The following FAM98B variants were observed in gnomAD, a reference collection of about 807,000 sequenced individuals.
FAM98B encodes tRNA-splicing ligase complex subunit FAM98B.
In FAM98B, 32 loss-of-function variants were observed where a neutral mutation model predicts 43.9. That is an observed-to-expected ratio of 0.73 (90% CI 0.55 to 0.98). FAM98B has a LOEUF of 0.98. Ranked by LOEUF, FAM98B falls within the 50% of genes least tolerant of loss-of-function variation. FAM98B has a pLI of 0.00. For missense variants in FAM98B, 514 were observed against 522.9 expected (o/e 0.98, Z 0.17); for synonymous variants, 190 against 174.0 (o/e 1.09, Z -0.72).
Position 38,484,833 on chromosome 15 carries a change from C to T in FAM98B, c.*174C>T. The T allele has an allele frequency of 9.9e-7, 1 of 1,008,890 alleles. No homozygotes were observed. The highest frequency in any genetic ancestry group is 1.3e-6 in the Non-Finnish European group (1 of 752,272). The allele number at this position is 1,008,890 out of a possible 1,614,324, so 62.5% of individuals were successfully genotyped here. On this transcript the variant is annotated 3_prime_UTR_variant, in exon 8 of 8. Transcript: ENST00000397609. ...ACATTGTTTTTTATTACCAGTTGATCTCTCAAATGAAGTGATGACTTTTTC... is the reference window on the plus strand; with the variant it reads ...ACATTGTTTTTTATTACCAGTTGATTTCTCAAATGAAGTGATGACTTTTTC...
At chr15:38,456,656 A>G (rs1889853394) in intron 1 of FAM98B, among the ~76,000 whole-genome samples, 1 of 152,224 alleles carries the variant, frequency 6.6e-6, no homozygotes, top group African/African-American at 2.4e-5. Context: ...AAGAAGTCTT[A>G]GGGGTTAGTG....
intron 1 of FAM98B, 73 bp downstream of exon 1, chr15:38,454,305 C>A: frequency 6.7e-7 from 1 of 1,497,228 alleles, no homozygotes; most frequent in South Asian, 1.2e-5. Context: ...GCCTACTTCC[C>A]TTGGGCCTCT....
rs1466537809 is a variant in FAM98B, at chr15:38,464,178, G to A, written c.217+1G>A. The stretch of plus-strand genomic sequence containing the variant: ...TTGGAAGAAAGTATCACGTCTGCTG[G>A]TATTGCCATTATGTTGTATTTACTT... On this transcript the variant is annotated splice_donor_variant, in intron 2 of 7. Coordinates refer to ENST00000397609, the MANE Select transcript of FAM98B (RefSeq NM_173611.4). LOFTEE classifies it high-confidence loss of function. The A allele has an allele frequency of 6.2e-7, 1 of 1,608,732 alleles. No individual in the cohort carries two copies. The highest frequency in any genetic ancestry group is 8.5e-7 in the Non-Finnish European group (1 of 1,177,374).
intron 1 of FAM98B, among the ~76,000 whole-genome samples, chr15:38,454,830 C>T (rs969264330): frequency 6.6e-6 from 1 of 152,160 alleles, no homozygotes; most frequent in South Asian, 2.1e-4. Flanking sequence ...GATAGTTTTT[C>T]AGATTACTCT....
chr15:38,459,211 A>C, intron 1 of FAM98B: 1 of 444,062 alleles, frequency 2.3e-6, no homozygotes, highest in Non-Finnish European at 4.4e-6. Context: ...TTAAAGATGC[A>C]CAAGGGCTTC....
At chr15:38,466,457 G>A (rs947025100) in intron 3 of FAM98B, among the ~76,000 whole-genome samples, 3 of 152,080 alleles carry the variant, frequency 2.0e-5, no homozygotes, top group African/African-American at 7.2e-5. Flanking sequence ...CTTAATATCA[G>A]TCAATGAGAA....
intron 3 of FAM98B, among the ~76,000 whole-genome samples, chr15:38,466,364 G>A (rs759709215): frequency 4.6e-5 from 7 of 152,094 alleles, no homozygotes; most frequent in Admixed American, 1.3e-4. Context: ...ATGAACCACT[G>A]TTATTGGGAG....
Position 38,454,198 on chromosome 15 carries a change from G to A in FAM98B, c.37G>A (p.Glu13Lys), listed in dbSNP as rs780564732. The A allele has an allele frequency of 6.2e-7, 1 of 1,604,456 alleles. No individual in the cohort carries two copies. The highest frequency in any genetic ancestry group is 1.1e-5 in the South Asian group (1 of 88,270). Residue 13 changes from glutamate to lysine, a missense_variant, in exon 1 of 8, where the codon GAG (glutamate) becomes AAG (lysine). Transcript: ENST00000397609. ...GPEPGPQPTM[E>K]GDVLDTLEAL... ...GGAGCCGGGTCCCCAACCGACGATG[G>A]AGGGAGACGTGCTGGACACACTGGA...
chr15:38,464,841 A>G (rs147157854), intron 2 of FAM98B, among the ~76,000 whole-genome samples: 1,568 of 152,218 alleles, frequency 0.01, 32 homozygotes, highest in African/African-American at 0.036. Flanking sequence ...GGCTCAAGCA[A>G]CCCTCTCACC....
At chr15:38,459,229 T>C in intron 1 of FAM98B, 1 of 468,500 alleles carries the variant, frequency 2.1e-6, no homozygotes, top group South Asian at 1.7e-5. Flanking sequence ...TTCATCCAGG[T>C]CAGTGACCAC....
At chr15:38,482,364 A>G (rs1890298456) in intron 7 of FAM98B, 1 of 152,238 alleles carries the variant, frequency 6.6e-6, no homozygotes, top group African/African-American at 2.4e-5. Flanking sequence ...CTGGATCAAG[A>G]GTTCTATTTC....
Position 38,470,310 on chromosome 15 carries a change from G to A in FAM98B, c.436G>A (p.Val146Ile), listed in dbSNP as rs1483217297. Residue 146 changes from valine (V) to isoleucine (I), a missense_variant, in exon 4 of 8, where the codon GTT (valine) becomes ATT (isoleucine). Around this residue, in one of 2 missense-constraint regions of FAM98B, gnomAD observed 469 missense variants for 451.8 expected, o/e 1.04. Transcript: ENST00000397609. ...KNSQLDKNSE[V>I]YQEVQAMFDT... ...TTCTCAATTAGATAAAAATAGTGAA[G>A]TTTATCAGGAAGTTCAAGCTATGTT... 4 of 1,603,748 alleles carry A rather than the reference G, an allele frequency of 2.5e-6. No homozygotes were observed. The highest frequency in any genetic ancestry group is 1.1e-5 in the South Asian group (1 of 88,932).
chr15:38,468,104 C>A (rs1004363917), intron 3 of FAM98B, among the ~76,000 whole-genome samples: 1 of 152,126 alleles, frequency 6.6e-6, no homozygotes, highest in African/African-American at 2.4e-5. Context: ...GGATTAGCAT[C>A]GTAAATGCTA....
intron 6 of FAM98B, among the ~76,000 whole-genome samples, chr15:38,477,111 A>G (rs745407641): frequency 6.6e-6 from 1 of 151,930 alleles, no homozygotes; most frequent in Non-Finnish European, 1.5e-5. Flanking sequence ...CAGCGTGATC[A>G]ACATAGCGAG....
intron 1 of FAM98B, among the ~76,000 whole-genome samples, chr15:38,461,191 T>C (rs1283191073): frequency 1.3e-5 from 2 of 152,230 alleles, no homozygotes; most frequent in African/African-American, 4.8e-5. Context: ...TTTATGAGTA[T>C]TGCTTTATTG....
chr15:38,465,128 TA>T (rs1415650810), intron 2 of FAM98B, 140 bp from the exon 3 acceptor site: 4 of 729,278 alleles, frequency 5.5e-6, no homozygotes, highest in Admixed American at 7.2e-5. Flanking sequence ...GTTGTTAACG[TA>T]AGCTTCGTGA....
In FAM98B at chr15:38,486,902, G is replaced by C. The variant is rs1392906951; in HGVS notation, c.*2243G>C. On this transcript the variant is annotated 3_prime_UTR_variant, in exon 8 of 8. Coordinates refer to ENST00000397609, the MANE Select transcript of FAM98B (RefSeq NM_173611.4). ...TATAAATTGAGTGCAATACGACATG[G>C]AGTATGATGAATGGCACTCCACTGC... 1 of 152,106 alleles carries C rather than the reference G, an allele frequency of 6.6e-6. No individual in the cohort carries two copies. The highest frequency in any genetic ancestry group is 2.1e-4 in the South Asian group (1 of 4,830). 9.4% of individuals were successfully genotyped at this position (152,106 alleles called of 1,614,324 possible). A position where few individuals can be genotyped will look rare whatever the true frequency, so the allele number is the denominator to read the frequency against.
At chr15:38,456,349 C>T (rs1189586882) in intron 1 of FAM98B, among the ~76,000 whole-genome samples, 1 of 152,040 alleles carries the variant, frequency 6.6e-6, no homozygotes, top group Non-Finnish European at 1.5e-5. Flanking sequence ...CTAGTATATA[C>T]CATAGACTGA....
At chr15:38,468,156 T>C (rs753464931) in intron 3 of FAM98B, among the ~76,000 whole-genome samples, 2 of 152,214 alleles carry the variant, frequency 1.3e-5, no homozygotes, top group Non-Finnish European at 2.9e-5. Context: ...CATGTTTCCA[T>C]AGAGCAAAAG....
Sources: gnomAD v4.1 joint callset for allele counts (sites outside exome capture counted in the v4.1 genomes callset) on GRCh38, gnomAD v4.1.1 for gene constraint, gnomAD v4.1.1 regional missense constraint, MANE v1.5 for transcripts, NCBI Gene and HGNC (gene_info 2026-07-23, HGNC 2026-07-21) for gene names.